The following MEIS2 variants were observed in gnomAD, a reference collection of about 807,000 sequenced individuals.
MEIS2 encodes Meis homeobox 2.
MEIS2 carries 9 observed loss-of-function variants against 58.6 expected under a neutral mutation model. That is an observed-to-expected ratio of 0.15 (90% CI 0.09 to 0.27). The LOEUF (loss-of-function observed/expected upper bound fraction) is 0.27, where lower values mean the gene tolerates loss of function less well. Among genes scored for constraint, MEIS2 ranks in the 10% least tolerant of loss-of-function variants. MEIS2 has a pLI of 1.00. For missense variants in MEIS2, 427 were observed against 635.0 expected, an observed-to-expected ratio of 0.67 and a Z score of 3.52; for synonymous variants, 221 against 228.4, an observed-to-expected ratio of 0.97 and a Z score of 0.29.
chr15:36,952,691 T>C (rs1420202346), intron 8 of MEIS2, among the ~76,000 whole-genome samples: 1 of 151,158 alleles, frequency 6.6e-6, no homozygotes, highest in Non-Finnish European at 1.5e-5. Flanking sequence ...TTAGATGAAA[T>C]AAAGGTTTAG....
intron 9 of MEIS2, among the ~76,000 whole-genome samples, chr15:36,949,953 G>A (rs990254250): frequency 6.6e-6 from 1 of 151,894 alleles, no homozygotes; most frequent in Non-Finnish European, 1.5e-5. Context: ...TGGTAACTCC[G>A]TATGAGGACT....
intron 9 of MEIS2, among the ~76,000 whole-genome samples, chr15:36,926,574 C>T (rs1029401820): frequency 6.6e-6 from 1 of 152,130 alleles, no homozygotes; most frequent in Non-Finnish European, 1.5e-5. Flanking sequence ...CCCATCCAGA[C>T]CTGAAGATTT....
chr15:37,005,731 AT>A (rs942204452), intron 8 of MEIS2, among the ~76,000 whole-genome samples: 4 of 151,682 alleles, frequency 2.6e-5, no homozygotes, highest in African/African-American at 4.8e-5. Flanking sequence ...TAATTTTTGT[AT>A]TTTTTTTGTA....
rs372153497 is a variant in MEIS2 at position 37,013,840 on chromosome 15, G to T, written c.900+22974C>A. Among the ~76,000 whole-genome samples, 4 of 152,020 alleles carry T rather than the reference G, an allele frequency of 2.6e-5. No homozygotes were observed. In the East Asian group the frequency reaches 5.8e-4, roughly 22 times the overall value. On this transcript the variant is annotated intron_variant, in intron 8 of 11. Coordinates refer to ENST00000561208, the MANE Select transcript of MEIS2 (RefSeq NM_170675.5). ...TGGTTTCTTAACTGGACTAACCTGG[G>T]ACTGATATTCCTGGCTTACTCCTCT...
intron 8 of MEIS2, among the ~76,000 whole-genome samples, chr15:36,971,608 A>G (rs532748490): frequency 6.8e-6 from 1 of 147,712 alleles, no homozygotes; most frequent in East Asian, 1.9e-4. Context: ...TTCATCTCAA[A>G]AGCAATAAGA....
At chr15:37,011,480 G>C (rs943283665) in intron 8 of MEIS2, among the ~76,000 whole-genome samples, 2 of 152,026 alleles carry the variant, frequency 1.3e-5, no homozygotes, top group African/African-American at 4.8e-5. Flanking sequence ...ATTAATGAAA[G>C]TGTGTATTAC....
intron 9 of MEIS2, among the ~76,000 whole-genome samples, chr15:36,928,090 T>G (rs1308763914): frequency 6.6e-6 from 1 of 152,160 alleles, no homozygotes; most frequent in Non-Finnish European, 1.5e-5. Flanking sequence ...AGAATGCCTC[T>G]GTGAAAATAC....
rs1368820423 is a variant in MEIS2 at position 37,098,176 on chromosome 15, G to T, written c.36C>A (p.Gly12=). ...AQRYDELPHY[G]GMDGVGVPAS... ...CGGGAACCCCTACTCCGTCCATCCC[G>T]CCGTAATGGGGCAGCTCATCGTACT... Residue 12 remains glycine (G), a synonymous_variant, in exon 2 of 12, where the codon GGC becomes GGA. Transcript: ENST00000561208. 1.6e-5 allele frequency: 25 copies of T among 1,605,942 alleles called. No individual in the cohort carries two copies. Among genetic ancestry groups the T allele is most frequent in the Non-Finnish European group, 1.9e-5 (22 of 1,175,086 alleles).
chr15:36,990,574 G>T lies in MEIS2; in HGVS notation c.901-40174C>A, dbSNP rs2060238624. ...GAATTTTTACCTATCAAAAGAACTA[G>T]TCAAAAAAGAAAGATGAAAGAAGGC... On this transcript the variant is annotated intron_variant, in intron 8 of 11. Transcript: ENST00000561208. 5.9e-5 allele frequency among the ~76,000 whole-genome samples: 9 copies of T among 152,014 alleles called. No individual in the cohort carries two copies. The South Asian group carries it at 1.9e-3, about 32-fold the overall frequency.
chr15:36,905,270 G>A (rs144253137), intron 9 of MEIS2, among the ~76,000 whole-genome samples: 167 of 152,144 alleles, frequency 1.1e-3, no homozygotes, highest in African/African-American at 3.9e-3. Context: ...GTCGGGGGGT[G>A]GGGAGGGGTG....
At chr15:36,997,790 C>T (rs568980268) in intron 8 of MEIS2, among the ~76,000 whole-genome samples, 35 of 152,268 alleles carry the variant, frequency 2.3e-4, no homozygotes, top group African/African-American at 8.4e-4. Context: ...CTTGATTTCT[C>T]TCTTTACCAC....
Position 37,002,366 on chromosome 15 carries a change from C to G in MEIS2, c.900+34448G>C, listed in dbSNP as rs959472530. Among the ~76,000 whole-genome samples, 4 of 151,832 alleles carry G rather than the reference C, an allele frequency of 2.6e-5. 1 individual carries two copies. The highest frequency in any genetic ancestry group is 2.6e-4 in the Admixed American group (4 of 15,246). ...CAGCTGGAAGTAATCTTTCCTTCCT[C>G]CAACTCCCATAGCCCTGTACCCATA... On this transcript the variant is annotated intron_variant, in intron 8 of 11. Coordinates refer to ENST00000561208, the MANE Select transcript of MEIS2 (RefSeq NM_170675.5).
At chr15:37,041,103 G>C (rs772572072) in intron 7 of MEIS2, among the ~76,000 whole-genome samples, 9 of 152,220 alleles carry the variant, frequency 5.9e-5, no homozygotes, top group Non-Finnish European at 7.3e-5. Flanking sequence ...GAAAGCCATG[G>C]TGTTCTAAAT....
intron 8 of MEIS2, among the ~76,000 whole-genome samples, chr15:37,032,245 G>A (rs1595970237): frequency 6.6e-6 from 1 of 152,108 alleles, no homozygotes; most frequent in Non-Finnish European, 1.5e-5. Context: ...TAGTGTCTTT[G>A]TGTATGAGCA....
At chr15:36,946,445 T>C (rs574425177) in intron 9 of MEIS2, among the ~76,000 whole-genome samples, 1 of 151,364 alleles carries the variant, frequency 6.6e-6, no homozygotes, top group East Asian at 1.9e-4. Context: ...AAAACTATCA[T>C]CTGAGAAGCT....
intron 1 of MEIS2, chr15:37,099,190 T>A: frequency 7.1e-7 from 1 of 1,404,780 alleles, no homozygotes; most frequent in Non-Finnish European, 9.3e-7. Context: ...CACACACCAC[T>A]CACACGCACT....
rs984487907 is a variant in MEIS2 at position 37,061,057 on chromosome 15, G to C, written c.754+22714C>G. Among the ~76,000 whole-genome samples, 5 of 152,268 alleles carry C rather than the reference G, an allele frequency of 3.3e-5. No homozygotes were observed. In the East Asian group the frequency reaches 9.6e-4, roughly 29 times the overall value. ...TTTTAAATAGGCATGGTTAGGTCCT[G>C]TACAGATTTGTATCTGATCCTCTTA... On this transcript the variant is annotated intron_variant, in intron 7 of 11. Transcript: ENST00000561208.
chr15:36,921,868 AATG>A (rs764663911), intron 9 of MEIS2, among the ~76,000 whole-genome samples: 1 of 152,202 alleles, frequency 6.6e-6, no homozygotes, highest in African/African-American at 2.4e-5. Context: ...AAGGAAGCCA[AATG>A]ATGATTTAAA....
At chr15:36,956,400 G>T (rs1451497118) in intron 8 of MEIS2, among the ~76,000 whole-genome samples, 1 of 151,964 alleles carries the variant, frequency 6.6e-6, no homozygotes, top group Non-Finnish European at 1.5e-5. Flanking sequence ...ATTTTTAATT[G>T]AAATACCACT....
Sources: allele counts gnomAD v4.1 joint callset (sites outside exome capture counted in the v4.1 genomes callset), GRCh38; gene constraint gnomAD v4.1.1; transcripts MANE v1.5; gene names NCBI Gene and HGNC (gene_info 2026-07-23, HGNC 2026-07-21).